PAX2: variants seen among roughly 807,000 people sequenced by gnomAD.
PAX2 encodes paired box protein Pax-2.
A neutral mutation model predicts 41.7 loss-of-function variants in PAX2; 9 were observed. The observed-to-expected ratio is 0.22, with a 90% CI of 0.13 to 0.38. The LOEUF (loss-of-function observed/expected upper bound fraction) is 0.38, where lower values mean the gene tolerates loss of function less well. Among genes scored for constraint, PAX2 ranks in the 10% least tolerant of loss-of-function variants. The pLI is 1.00. For synonymous variants in PAX2, 221 were observed against 212.7 expected, an observed-to-expected ratio of 1.04 and a Z score of -0.34; for missense variants, 418 against 531.6, an observed-to-expected ratio of 0.79 and a Z score of 2.10.
At chr10:100,785,001 C>A (rs1846790298) in intron 5 of PAX2, among the ~76,000 whole-genome samples, 1 of 152,170 alleles carries the variant, frequency 6.6e-6, no homozygotes, top group South Asian at 2.1e-4. Context: ...TGTTCTGAAG[C>A]ACCCAGAAGA....
chr10:100,744,483 C>T (rs1845076508), upstream of PAX2, among the ~76,000 whole-genome samples: 3 of 152,364 alleles, frequency 2.0e-5, no homozygotes, highest in East Asian at 3.9e-4. Context: ...CCCCAGCGAG[C>T]AAGGGAGCTA....
In PAX2 at chr10:100,737,024, G is replaced by A. The variant is rs556506912; in HGVS notation, c.25+1291G>A. On this transcript the variant is annotated intron_variant, in intron 1 of 9. Coordinates refer to the PAX2 transcript ENST00000679374. The stretch of plus-strand genomic sequence containing the variant: ...TCTCCCCTTTCTTCCTCTCTGCACA[G>A]GGCTTCTCTCTCCCAAACTCTTTCT... Among the ~76,000 whole-genome samples, 159 of 152,208 alleles carry A rather than the reference G, an allele frequency of 1.0e-3. 1 individual carries two copies. The highest frequency in any genetic ancestry group is 3.2e-3 in the African/African-American group (132 of 41,522).
intron 5 of PAX2, among the ~76,000 whole-genome samples, chr10:100,785,315 A>G (rs1435721235): frequency 1.3e-5 from 2 of 152,194 alleles, no homozygotes; most frequent in East Asian, 3.8e-4. Flanking sequence ...GCAGTTACAC[A>G]ACTTGTCCAA....
At chr10:100,798,893 T>C (rs1441406894) in intron 5 of PAX2, among the ~76,000 whole-genome samples, 1 of 152,252 alleles carries the variant, frequency 6.6e-6, no homozygotes, top group Non-Finnish European at 1.5e-5. Flanking sequence ...GGGGTGGGGC[T>C]GGGCCTGCAC....
chr10:100,749,949 G>A (rs1247495479), intron 2 of PAX2, 35 bp downstream of exon 2: 1 of 1,604,532 alleles, frequency 6.2e-7, no homozygotes, highest in Non-Finnish European at 8.5e-7. Context: ...GAGACGCCTT[G>A]CCTACTTCCC....
At chr10:100,767,607 G>C (rs570661326) in intron 3 of PAX2, among the ~76,000 whole-genome samples, 1 of 152,290 alleles carries the variant, frequency 6.6e-6, no homozygotes, top group South Asian at 2.1e-4. Flanking sequence ...CATGCTGGGT[G>C]TTCACGGAGT....
intron 3 of PAX2, among the ~76,000 whole-genome samples, chr10:100,764,171 T>G (rs1358271320): frequency 1.0e-4 from 14 of 134,082 alleles, no homozygotes; most frequent in African/African-American, 4.0e-4. Flanking sequence ...TGAGAAAGAG[T>G]CTCGCTCTGT....
At chr10:100,739,014 G>GAC (rs61617727) in intron 1 of PAX2, among the ~76,000 whole-genome samples, 13,761 of 138,212 alleles carry the variant, frequency 0.1, 874 homozygotes, top group African/African-American at 0.16. Flanking sequence ...CGCGCACGCG[G>GAC]ACACACACAC....
intron 1 of PAX2, among the ~76,000 whole-genome samples, chr10:100,740,338 G>A (rs1589798975): frequency 6.6e-6 from 1 of 152,086 alleles, no homozygotes; most frequent in Non-Finnish European, 1.5e-5. Context: ...TTGGGAGGGG[G>A]GTGCAGGAAG....
At position 100,827,039 on chromosome 10, in the gene PAX2, A is replaced by AC; in HGVS notation, c.1057dup (p.Gln353ProfsTer24). 6.2e-7 allele frequency: 1 copy of AC among 1,613,378 alleles called. No individual in the cohort carries two copies. Among genetic ancestry groups the AC allele is most frequent in the South Asian group, 1.1e-5 (1 of 91,072 alleles). ...GAGTTCTCCGGCAACCCGTACAGCC[A>AC]CCCCCAGTACACGGCCTACAACGAG... On this transcript the variant is annotated frameshift_variant, in exon 9 of 10. Transcript: ENST00000355243. LOFTEE classifies it high-confidence loss of function. This position sits in a 1 kb window ranked among gnomAD's most constrained non-coding sequence, Gnocchi z 8.5.
intron 5 of PAX2, among the ~76,000 whole-genome samples, chr10:100,781,968 AG>A (rs1846647635): frequency 6.6e-6 from 1 of 152,160 alleles, no homozygotes; most frequent in African/African-American, 2.4e-5. Context: ...GTCAAAGGGA[AG>A]GGGGAAGGAA....
Position 100,827,438 on chromosome 10 carries a change from C to A in PAX2, c.1109-105C>A. On this transcript the variant is annotated intron_variant, in intron 9 of 9. Coordinates refer to ENST00000355243, the MANE Select transcript of PAX2 (RefSeq NM_000278.5). This position sits in a 1 kb window ranked among gnomAD's most constrained non-coding sequence, Gnocchi z 8.5. ...AGCCAAGGTCTCCCAGTCCGGATCC[C>A]GCTGGACCCCAGCCAGGGGAGGTCT... The A allele has an allele frequency of 1.7e-6, 2 of 1,196,126 alleles. No individual in the cohort carries two copies. Among genetic ancestry groups the A allele is most frequent in the Non-Finnish European group, 1.2e-6 (1 of 803,986 alleles). 74.1% of individuals were successfully genotyped at this position (1,196,126 alleles called of 1,614,324 possible).
intron 1 of PAX2, among the ~76,000 whole-genome samples, chr10:100,746,755 C>T (rs1373588705): frequency 6.6e-6 from 1 of 152,172 alleles, no homozygotes; most frequent in African/African-American, 2.4e-5. Context: ...TCTCCTGTCT[C>T]CCCACATCTT....
intron 4 of PAX2, among the ~76,000 whole-genome samples, chr10:100,780,416 G>A (rs1846572189): frequency 6.6e-6 from 1 of 152,132 alleles, no homozygotes; most frequent in Admixed American, 6.5e-5. Context: ...CATTTTTCCT[G>A]CTGCTCCTCT....
chr10:100,808,914 C>T (rs778085732), intron 6 of PAX2, among the ~76,000 whole-genome samples, 196 bp from the exon 7 acceptor site: 9 of 152,160 alleles, frequency 5.9e-5, no homozygotes, highest in East Asian at 1.9e-4. Flanking sequence ...GCTGTGCCTC[C>T]GGTTTCACCA....
At chr10:100,772,555 C>T (rs937270969) in intron 3 of PAX2, among the ~76,000 whole-genome samples, 2 of 152,234 alleles carry the variant, frequency 1.3e-5, no homozygotes, top group Non-Finnish European at 2.9e-5. Flanking sequence ...GCTTAGTGGG[C>T]AATGGGGCCA....
intron 5 of PAX2, among the ~76,000 whole-genome samples, chr10:100,804,148 G>A (rs974408975): frequency 6.6e-6 from 1 of 152,094 alleles, no homozygotes; most frequent in Admixed American, 6.5e-5. Context: ...CGGGGAGAGA[G>A]CACCATAATC....
At chr10:100,804,541 T>C (rs1036285433) in intron 5 of PAX2, among the ~76,000 whole-genome samples, 39 of 151,774 alleles carry the variant, frequency 2.6e-4, no homozygotes, top group African/African-American at 8.7e-4. Context: ...GACACGCAAA[T>C]AGCTACAGGG....
At chr10:100,740,993 G>T (rs1231798572), upstream of PAX2, among the ~76,000 whole-genome samples, 2 of 152,258 alleles carry the variant, frequency 1.3e-5, no homozygotes, top group East Asian at 3.8e-4. Context: ...CACCTGGCTG[G>T]CCCGTGCCAC....
Sources: gnomAD v4.1 joint callset for allele counts (sites outside exome capture counted in the v4.1 genomes callset) on GRCh38, gnomAD v4.1.1 for gene constraint, Gnocchi (gnomAD v3.1) non-coding constraint, MANE v1.5 for transcripts, NCBI Gene and HGNC (gene_info 2026-07-23, HGNC 2026-07-21) for gene names.